The following KDM7A variants were observed in gnomAD, a reference collection of about 807,000 sequenced individuals.
KDM7A encodes lysine-specific demethylase 7A.
In KDM7A, 28 loss-of-function variants were observed where a neutral mutation model predicts 114.8. That is an observed-to-expected ratio of 0.24 (90% CI 0.18 to 0.33). The LOEUF (loss-of-function observed/expected upper bound fraction) is 0.33, where lower values mean the gene tolerates loss of function less well. KDM7A is among the 10% of genes least tolerant of loss of function. KDM7A has a pLI of 1.00. For missense variants in KDM7A, 942 were observed against 1,142.5 expected, an observed-to-expected ratio of 0.82 and a Z score of 2.53; for synonymous variants, 423 against 397.8, an observed-to-expected ratio of 1.06 and a Z score of -0.75.
intron 6 of KDM7A, among the ~76,000 whole-genome samples, chr7:140,125,354 G>C (rs1034510322): frequency 6.6e-6 from 1 of 152,182 alleles, no homozygotes; most frequent in Non-Finnish European, 1.5e-5. Flanking sequence ...TGTGCTGATG[G>C]AAATTTTTTG....
chr7:140,096,059 A>G (rs767005909), intron 17 of KDM7A, among the ~76,000 whole-genome samples: 3 of 152,130 alleles, frequency 2.0e-5, no homozygotes, highest in Non-Finnish European at 2.9e-5. Context: ...CATTTTCTCT[A>G]AAGGCACAAG....
At position 140,086,412 on chromosome 7, in the gene KDM7A, GA is replaced by G. The variant is rs1817924674; in HGVS notation, c.*4681del. The G allele has an allele frequency of 6.6e-6, 1 of 152,048 alleles. No individual in the cohort carries two copies. The allele number at this position is 152,048 out of a possible 1,614,324, so 9.4% of individuals were successfully genotyped here. A position where few individuals can be genotyped will look rare whatever the true frequency, so the allele number is the denominator to read the frequency against. Reference sequence around the variant, plus strand: ...TTAAAATGAGGAAAAAAATACTATAGAAGAATAAAATCACAGTCACAACAAG... The same window carrying G: ...TTAAAATGAGGAAAAAAATACTATAGAGAATAAAATCACAGTCACAACAAG... On this transcript the variant is annotated 3_prime_UTR_variant, in exon 20 of 20. Coordinates refer to ENST00000397560, the MANE Select transcript of KDM7A (RefSeq NM_030647.2).
chr7:140,100,667 TATATATATATATACATATATAC>T (rs1240063786), intron 12 of KDM7A, among the ~76,000 whole-genome samples: 1,907 of 43,136 alleles, frequency 0.044, 54 homozygotes, highest in African/African-American at 0.15. Context: ...AAGTTATATA[TATATATATATATACATATATAC>T]ATATATATAT....
intron 10 of KDM7A, 73 bp from the exon 11 acceptor site, chr7:140,111,257 A>T: frequency 1.0e-6 from 1 of 980,558 alleles, no homozygotes. Context: ...AATTTACTAA[A>T]CCAATTTTTG....
rs936508767 is a variant in KDM7A, at chr7:140,096,653, C to A, written c.2276G>T (p.Cys759Phe). 11 of 1,613,994 alleles carry A rather than the reference C, an allele frequency of 6.8e-6. No individual in the cohort carries two copies. The African/African-American group carries it at 1.2e-4, about 18-fold the overall frequency. The change falls in exon 17 of 20, where the codon TGC (cysteine) becomes TTC (phenylalanine). Residue 759 changes from cysteine to phenylalanine, a missense_variant. Physicochemically the swap from Cys to Phe is radical, Grantham distance 205. Coordinates refer to ENST00000397560, the MANE Select transcript of KDM7A (RefSeq NM_030647.2). ...CTGGAGAGAGTTTCTTTCACCACTG[C>A]AGTCTGTGCTTTGTATTTGCCTTTG... ...CLQRQIQSTD[C>F]SGERNSLQDP...
At position 140,091,961 on chromosome 7, in the gene KDM7A, A is replaced by C; in HGVS notation, c.2574T>G (p.Tyr858Ter). Residue 858 changes from tyrosine (Y) to a stop codon, truncating the protein, a stop_gained, in exon 19 of 20, where the codon TAT becomes TAG. Transcript: ENST00000397560. LOFTEE classifies it high-confidence loss of function. Reference protein sequence around the residue: ...SSGSSLQNGKYMQNSNLTSGA... With the variant: ...SSGSSLQNGK ...CCGAAGTCAGGTTTGAATTCTGCAT[A>C]TACTTTCCATTCTGAAGGCTTGAGC... 1 of 1,613,964 alleles carries C rather than the reference A, an allele frequency of 6.2e-7. No individual in the cohort carries two copies. The highest frequency in any genetic ancestry group is 8.5e-7 in the Non-Finnish European group (1 of 1,179,998).
chr7:140,093,910 T>C (rs1818062720), intron 18 of KDM7A, 146 bp downstream of exon 18: 1 of 648,938 alleles, frequency 1.5e-6, no homozygotes, highest in Non-Finnish European at 2.8e-6. Context: ...AAATGGACAG[T>C]TGTTCAAATG....
chr7:140,175,736 C>A (rs1794696401), intron 1 of KDM7A, among the ~76,000 whole-genome samples: 1 of 152,076 alleles, frequency 6.6e-6, no homozygotes, highest in Non-Finnish European at 1.5e-5. Flanking sequence ...CGGAGCGCGG[C>A]GGCGGCTGAA....
rs566075722 is a variant in KDM7A at position 140,108,168 on chromosome 7, T to C, written c.1428+2927A>G. 1.2e-4 allele frequency among the ~76,000 whole-genome samples: 19 copies of C among 152,294 alleles called. No individual in the cohort carries two copies. In the South Asian group the frequency reaches 3.5e-3, roughly 28 times the overall value. On this transcript the variant is annotated intron_variant, in intron 11 of 19. Transcript: ENST00000397560. The stretch of plus-strand genomic sequence containing the variant: ...CTGTGCTGCTTATTCTAGTTAGCCA[T>C]TTGTCATATCTTTTTTTTCAAGGTT...
Position 140,111,137 on chromosome 7 carries a change from TC to T in KDM7A, c.1385del (p.Gly462AspfsTer10). On this transcript the variant is annotated frameshift_variant, in exon 11 of 20. Coordinates refer to ENST00000397560, the MANE Select transcript of KDM7A (RefSeq NM_030647.2). ...AFEIPDNVRP[G>X]HLIKELSKVI... ...CTTTAGAAAGTTCTTTAATAAGGTGTCCAGGTCTAACATTGTCTGGAATTTC... is the reference window on the plus strand; with the variant it reads ...CTTTAGAAAGTTCTTTAATAAGGTGTCAGGTCTAACATTGTCTGGAATTTC... 6.2e-7 allele frequency: 1 copy of T among 1,608,254 alleles called. No homozygotes were observed. The highest frequency in any genetic ancestry group is 8.5e-7 in the Non-Finnish European group (1 of 1,175,826).
In KDM7A at chr7:140,139,615, G is replaced by GA. The variant is rs1012673742; in HGVS notation, c.195-426dup. 1.3e-4 allele frequency among the ~76,000 whole-genome samples: 19 copies of GA among 151,852 alleles called. No homozygotes were observed. The South Asian group carries it at 3.7e-3, about 30-fold the overall frequency. On this transcript the variant is annotated intron_variant, in intron 1 of 19. Transcript: ENST00000397560. ...CATATAGCTTTAAATGCATCTGCTA[G>GA]AAAAAAAGAGGCTGAAATTAATGAG...
intron 3 of KDM7A, among the ~76,000 whole-genome samples, chr7:140,131,020 ATTTTTTTGTT>A (rs1465722832): frequency 7.6e-6 from 1 of 131,442 alleles, no homozygotes; most frequent in Non-Finnish European, 1.7e-5. Flanking sequence ...CGCCTGGCTA[ATTTTTTTGTT>A]TTTGTTTTTG....
intron 1 of KDM7A, among the ~76,000 whole-genome samples, chr7:140,140,742 C>CA (rs56713880): frequency 0.024 from 2,825 of 115,968 alleles, 28 homozygotes; most frequent in Non-Finnish European, 0.028. Flanking sequence ...GACTTCATCT[C>CA]AAAAAAAAAA....
At chr7:140,120,871 G>A (rs2116791356) in intron 7 of KDM7A, among the ~76,000 whole-genome samples, 1 of 152,278 alleles carries the variant, frequency 6.6e-6, no homozygotes, top group Admixed American at 6.5e-5. Flanking sequence ...GCCTCCCAAA[G>A]TGCTGAAATT....
At chr7:140,122,959 T>C (rs1394303735) in intron 7 of KDM7A, among the ~76,000 whole-genome samples, 3 of 152,212 alleles carry the variant, frequency 2.0e-5, no homozygotes, top group East Asian at 1.9e-4. Context: ...TTGCAAATCA[T>C]ACATACTGAT....
At position 140,087,509 on chromosome 7, in the gene KDM7A, TA is replaced by T. The variant is rs1425246510; in HGVS notation, c.*3584del. The T allele has an allele frequency of 6.6e-6, 1 of 152,218 alleles. No individual in the cohort carries two copies. The highest frequency in any genetic ancestry group is 2.4e-5 in the African/African-American group (1 of 41,454). 9.4% of individuals were successfully genotyped at this position (152,218 alleles called of 1,614,324 possible). A position where few individuals can be genotyped will look rare whatever the true frequency, so the allele number is the denominator to read the frequency against. ...AATAGTATTAGTTTTCATTTAAAAA[TA>T]TATATAAAGGTGCATTAATTGCCAG... On this transcript the variant is annotated 3_prime_UTR_variant, in exon 20 of 20. Transcript: ENST00000397560.
chr7:140,101,189 G>A (rs969007316), intron 12 of KDM7A, among the ~76,000 whole-genome samples: 4 of 152,132 alleles, frequency 2.6e-5, no homozygotes, highest in African/African-American at 7.2e-5. Flanking sequence ...TAAAAGTATG[G>A]ATGATGCAGA....
At chr7:140,102,731 G>A (rs752595510) in intron 11 of KDM7A, among the ~76,000 whole-genome samples, 1 of 152,124 alleles carries the variant, frequency 6.6e-6, no homozygotes, top group Non-Finnish European at 1.5e-5. Flanking sequence ...TTAATTTTCT[G>A]ACCTAATACT....
At chr7:140,101,045 G>A (rs1044924388) in intron 12 of KDM7A, among the ~76,000 whole-genome samples, 2 of 150,288 alleles carry the variant, frequency 1.3e-5, no homozygotes, top group African/African-American at 2.5e-5. Flanking sequence ...TAGTTATGTT[G>A]GCCTTAAACT....
Sources: allele counts gnomAD v4.1 joint callset (sites outside exome capture counted in the v4.1 genomes callset), GRCh38; gene constraint gnomAD v4.1.1; transcripts MANE v1.5; gene names NCBI Gene and HGNC (gene_info 2026-07-23, HGNC 2026-07-21).